ACSS1: variants seen among roughly 807,000 people sequenced by gnomAD.
ACSS1 encodes acyl-CoA synthetase short chain family member 1, also known as acetyl-coenzyme A synthetase 2-like, mitochondrial.
In ACSS1, 42 loss-of-function variants were observed where a neutral mutation model predicts 75.3. The ratio of observed to expected loss-of-function variants is 0.56; its 90% CI spans 0.44 to 0.72. ACSS1 has a LOEUF of 0.72. ACSS1 is among the 30% of genes least tolerant of loss of function. The pLI, the probability that ACSS1 is intolerant of heterozygous loss-of-function variation, is 0.00. For synonymous variants in ACSS1, 380 were observed against 376.8 expected (o/e 1.01, Z -0.10); for missense variants, 782 against 935.7 (o/e 0.84, Z 2.14).
In ACSS1 at chr20:25,016,736, G is replaced by T. The variant is rs1258845246; in HGVS notation, c.1247-1506C>A. On this transcript the variant is annotated intron_variant, in intron 7 of 13. Coordinates refer to ENST00000323482, the MANE Select transcript of ACSS1 (RefSeq NM_032501.4). Reference sequence around the variant, plus strand: ...GGGAGACTGCGACAGCCTGCACCCAGCCACGGGGCTGTGACCACACAAGCC... The same window carrying T: ...GGGAGACTGCGACAGCCTGCACCCATCCACGGGGCTGTGACCACACAAGCC... Among the ~76,000 whole-genome samples the T allele has an allele frequency of 2.0e-5, 3 of 152,258 alleles. No individual in the cohort carries two copies. The East Asian group carries it at 5.8e-4, about 29-fold the overall frequency.
chr20:25,023,495 T>G lies in ACSS1; in HGVS notation c.778A>C (p.Met260Leu). Residue 260 changes from methionine (M) to leucine (L), a missense_variant, in exon 4 of 14, where the codon ATG becomes CTG. Coordinates refer to ENST00000323482, the MANE Select transcript of ACSS1 (RefSeq NM_032501.4). Reference sequence around the variant, plus strand: ...TCCAGCGGGACGTCCAGATCCCCCATGTGGACCTTGTTGTCTGTCCTGTGA... The same window carrying G: ...TCCAGCGGGACGTCCAGATCCCCCAGGTGGACCTTGTTGTCTGTCCTGTGA... ...VAHRTDNKVH[M>L]GDLDVPLEQE... 1.2e-6 allele frequency: 2 copies of G among 1,614,112 alleles called. No individual in the cohort carries two copies. Among genetic ancestry groups the G allele is most frequent in the Non-Finnish European group, 1.7e-6 (2 of 1,180,020 alleles).
chr20:25,057,469 G>C (rs2089258810), intron 1 of ACSS1, among the ~76,000 whole-genome samples: 1 of 152,200 alleles, frequency 6.6e-6, no homozygotes, highest in Non-Finnish European at 1.5e-5. Flanking sequence ...CGCAACTCTG[G>C]AGTCCGCCGA....
intron 2 of ACSS1, chr20:25,032,312 G>A (rs1600331044): frequency 2.3e-6 from 3 of 1,295,888 alleles, no homozygotes; most frequent in Middle Eastern, 2.0e-4. Flanking sequence ...GGTCCAGTCA[G>A]AGTCAACCAT....
At position 25,014,070 on chromosome 20, in the gene ACSS1, G is replaced by A. The variant is rs1287171738; in HGVS notation, c.1343C>T (p.Thr448Ile). 1 of 1,605,248 alleles carries A rather than the reference G, an allele frequency of 6.2e-7. No homozygotes were observed. Among genetic ancestry groups the A allele is most frequent in the Non-Finnish European group, 8.5e-7 (1 of 1,176,256 alleles). ...CCGTGGTGCGATGCAGATGCCACCTGTTTCTGCAGGTATGACAAGAAAGAA... is the reference window on the plus strand; with the variant it reads ...CCGTGGTGCGATGCAGATGCCACCTATTTCTGCAGGTATGACAAGAAAGAA... ...TLVDTWWQTE[T>I]GGICIAPRPS... Residue 448 changes from threonine (T) to isoleucine (I), a missense_variant, in exon 9 of 14, where the codon ACA (threonine) becomes ATA (isoleucine). Physicochemically the swap from Thr to Ile is moderately conservative, Grantham distance 89. Coordinates refer to ENST00000323482, the MANE Select transcript of ACSS1 (RefSeq NM_032501.4).
At chr20:25,013,735 T>A in intron 9 of ACSS1, 73 bp from the exon 10 acceptor site, 1 of 1,535,962 alleles carries the variant, frequency 6.5e-7, no homozygotes, top group East Asian at 2.3e-5. Flanking sequence ...TGACAAGCCC[T>A]GCCCTCAAGG....
In ACSS1 at chr20:25,026,459, G is replaced by T. The variant is rs180773177; in HGVS notation, c.632-2818C>A. Among the ~76,000 whole-genome samples, 101 of 152,264 alleles carry T rather than the reference G, an allele frequency of 6.6e-4. 3 individuals carry two copies. The East Asian group carries it at 0.012, about 19-fold the overall frequency. On this transcript the variant is annotated intron_variant, in intron 3 of 13. Transcript: ENST00000323482. ...TGTGACAAGCCTGACTGCTAAGGCTGCAAGGCTATGAGGAAGCCCAAGTCA... is the reference window on the plus strand; with the variant it reads ...TGTGACAAGCCTGACTGCTAAGGCTTCAAGGCTATGAGGAAGCCCAAGTCA...
At chr20:25,013,737 C>A in intron 9 of ACSS1, 75 bp from the exon 10 acceptor site, 1 of 1,531,662 alleles carries the variant, frequency 6.5e-7, no homozygotes, top group Non-Finnish European at 8.8e-7. Context: ...ACAAGCCCTG[C>A]CCTCAAGGGA....
At chr20:25,046,566 G>A (rs554250093) in intron 2 of ACSS1, 72 of 523,268 alleles carry the variant, frequency 1.4e-4, no homozygotes, top group Middle Eastern at 5.2e-4. Flanking sequence ...CCTCCCTGCC[G>A]GACCTCCAGG....
At chr20:25,036,819 G>T (rs2088914775) in intron 2 of ACSS1, among the ~76,000 whole-genome samples, 1 of 151,986 alleles carries the variant, frequency 6.6e-6, no homozygotes, top group Non-Finnish European at 1.5e-5. Context: ...AGCCAGGCGT[G>T]GTGCTGCATG....
chr20:25,051,463 G>A (rs2089173739), intron 1 of ACSS1, among the ~76,000 whole-genome samples: 1 of 151,964 alleles, frequency 6.6e-6, no homozygotes. Flanking sequence ...TCTCTTTTTT[G>A]GCCCAAATCA....
chr20:25,048,155 T>G lies in ACSS1; in HGVS notation c.361A>C (p.Lys121Gln). The change falls in exon 2 of 14, where the codon AAG becomes CAG. Residue 121 changes from lysine (K) to glutamine (Q), a missense_variant. This residue lies in a region of ACSS1 where 377 missense variants were observed against 383.1 expected (regional missense o/e 0.98). Coordinates refer to ENST00000323482, the MANE Select transcript of ACSS1 (RefSeq NM_032501.4). Reference protein sequence around the residue: ...SVNCLDQHVRKSPESVALIWE... With the variant: ...SVNCLDQHVRQSPESVALIWE... ...ATCAAAGCAACGCTCTCGGGGGACT[T>G]CCGAACATGCTGGTCCAAGCAGTTG... 2.5e-6 allele frequency: 4 copies of G among 1,613,448 alleles called. No homozygotes were observed. Among genetic ancestry groups the G allele is most frequent in the African/African-American group, 1.3e-5 (1 of 74,982 alleles).
At chr20:25,015,323 T>G in intron 7 of ACSS1, 93 bp from the exon 8 acceptor site, 7 of 1,131,630 alleles carry the variant, frequency 6.2e-6, no homozygotes, top group Non-Finnish European at 8.8e-6. Context: ...GTTTTTGTTT[T>G]TCTTTGAGAC....
In ACSS1 at chr20:25,017,639, TCTGCTGGGGGCTGGCCCC is replaced by T. The variant is rs1168278502; in HGVS notation, c.1246+2353_1246+2370del. ...TAAATACACAAAACCCAGCTGAGCC[TCTGCTGGGGGCTGGCCCC>T]CTGGCTCAGAGGTGTTCCAAGTCTG... On this transcript the variant is annotated intron_variant, in intron 7 of 13. Coordinates refer to ENST00000323482, the MANE Select transcript of ACSS1 (RefSeq NM_032501.4). Among the ~76,000 whole-genome samples, 5 of 152,314 alleles carry T rather than the reference TCTGCTGGGGGCTGGCCCC, an allele frequency of 3.3e-5. No homozygotes were observed. The East Asian group carries it at 9.6e-4, about 29-fold the overall frequency.
At chr20:25,032,517 A>G (rs1242044226) in intron 2 of ACSS1, 6 of 1,268,252 alleles carry the variant, frequency 4.7e-6, no homozygotes, top group Admixed American at 3.8e-5. Flanking sequence ...ATTTGCAATA[A>G]AAAGAGCTAA....
rs150741442 is a variant in ACSS1 at position 25,020,111 on chromosome 20, T to C, written c.1145A>G (p.Asn382Ser). ...AGCCGTTGGGGCGCCATAGAACTGA[T>C]TGATCTTCAACCTCTCTACTGTCTC... ...YWETVERLKI[N>S]QFYGAPTAVR... Residue 382 changes from asparagine (N) to serine (S), a missense_variant, in exon 7 of 14, where the codon AAT becomes AGT. This residue lies in a region of ACSS1 where 405 missense variants were observed against 552.6 expected (regional missense o/e 0.73). Coordinates refer to ENST00000323482, the MANE Select transcript of ACSS1 (RefSeq NM_032501.4). 53 of 1,614,128 alleles carry C rather than the reference T, an allele frequency of 3.3e-5. No individual in the cohort carries two copies. Among genetic ancestry groups the C allele is most frequent in the East Asian group, 2.4e-4 (11 of 44,898 alleles).
chr20:25,012,915 G>A lies in ACSS1; in HGVS notation c.1604C>T (p.Ala535Val), dbSNP rs756942221. The A allele has an allele frequency of 5.0e-6, 8 of 1,614,056 alleles. No homozygotes were observed. The highest frequency in any genetic ancestry group is 1.3e-5 in the African/African-American group (1 of 74,918). The change falls in exon 11 of 14, where the codon GCT becomes GTT. Residue 535 changes from alanine (A) to valine (V), a missense_variant. This residue lies in a region of ACSS1 where 405 missense variants were observed against 552.6 expected (regional missense o/e 0.73). Transcript: ENST00000323482. ...YPGYYFTGDG[A>V]YRTEGGYYQI... ...GTAATAGCCGCCCTCAGTTCGGTAA[G>A]CCCCGTCTCCAGTGAAGTAATAGCC...
chr20:25,040,782 C>A (rs1315076840), intron 2 of ACSS1, among the ~76,000 whole-genome samples: 1 of 152,214 alleles, frequency 6.6e-6, no homozygotes, highest in Non-Finnish European at 1.5e-5. Flanking sequence ...GCCCCAGGGG[C>A]AGCCTCCTCC....
chr20:25,055,360 A>G (rs1047488129), intron 1 of ACSS1, among the ~76,000 whole-genome samples: 1 of 152,262 alleles, frequency 6.6e-6, no homozygotes, highest in African/African-American at 2.4e-5. Context: ...GTACAGGGAA[A>G]GCAAGAAATC....
At chr20:25,045,548 C>T (rs1370172528) in intron 2 of ACSS1, among the ~76,000 whole-genome samples, 2 of 152,224 alleles carry the variant, frequency 1.3e-5, no homozygotes, top group Non-Finnish European at 2.9e-5. Context: ...TCTACCAGCC[C>T]CACGGGGTTT....
Sources: allele counts gnomAD v4.1 joint callset (sites outside exome capture counted in the v4.1 genomes callset), GRCh38; gene constraint gnomAD v4.1.1; regional missense constraint gnomAD v4.1.1; transcripts MANE v1.5; gene names NCBI Gene and HGNC (gene_info 2026-07-23, HGNC 2026-07-21).